The following WDR43 variants were observed in gnomAD, a reference collection of about 807,000 sequenced individuals.
WDR43 encodes the protein WD repeat-containing protein 43.
WDR43 carries 13 observed loss-of-function variants against 91.4 expected under a neutral mutation model. The ratio of observed to expected loss-of-function variants is 0.14; its 90% CI spans 0.09 to 0.23. The LOEUF is 0.23. Ranked by LOEUF, WDR43 falls within the 10% of genes least tolerant of loss-of-function variation. The probability of loss-of-function intolerance (pLI) is 1.00; values close to 1 mark genes in which losing one functional copy is unlikely to be tolerated. For missense variants in WDR43, 780 were observed against 809.4 expected (o/e 0.96, Z 0.44); for synonymous variants, 331 against 287.9 (o/e 1.15, Z -1.51).
At chr2:28,921,257 A>G (rs1351215620) in intron 6 of WDR43, among the ~76,000 whole-genome samples, 2 of 151,644 alleles carry the variant, frequency 1.3e-5, no homozygotes, top group African/African-American at 4.9e-5. Flanking sequence ...CCTCCTGAGT[A>G]GCTGGGACTA....
chr2:28,903,954 A>G (rs1670625942), intron 2 of WDR43, among the ~76,000 whole-genome samples: 1 of 151,998 alleles, frequency 6.6e-6, no homozygotes, highest in Non-Finnish European at 1.5e-5. Flanking sequence ...ACAGACGTGC[A>G]CCACCATAGC....
intron 6 of WDR43, among the ~76,000 whole-genome samples, chr2:28,920,115 T>C (rs928616878): frequency 2.6e-5 from 4 of 151,648 alleles, no homozygotes; most frequent in African/African-American, 7.3e-5. Flanking sequence ...CAAAGTGCTG[T>C]AATTACAGGT....
Position 28,925,110 on chromosome 2 carries a change from T to G in WDR43, c.1043T>G (p.Leu348Trp). Reference protein sequence around the residue: ...AGFCSDKMSLLLVYGSWFQPT... With the variant: ...AGFCSDKMSLWLVYGSWFQPT... ...TTTTGCTCAGACAAAATGTCATTGT[T>G]GCTTGTATATGGCAGTTGGTTTCAG... Residue 348 changes from leucine (L) to tryptophan (W), a missense_variant, in exon 8 of 18, where the codon TTG (leucine) becomes TGG (tryptophan). Coordinates refer to ENST00000407426, the MANE Select transcript of WDR43 (RefSeq NM_015131.3). The G allele has an allele frequency of 6.2e-7, 1 of 1,613,972 alleles. No homozygotes were observed. The highest frequency in any genetic ancestry group is 1.1e-5 in the South Asian group (1 of 91,076).
chr2:28,894,741 G>C lies in WDR43; in HGVS notation c.43G>C (p.Ala15Pro). Residue 15 changes from alanine to proline, a missense_variant, in exon 1 of 18, where the codon GCT becomes CCT. Around this residue, in one of 4 missense-constraint regions of WDR43, gnomAD observed 175 missense variants for 113.8 expected, o/e 1.54. Transcript: ENST00000407426. ...CGGTAGCTGCGACCCCCTGGCCCCT[G>C]CTGGGGTCCCTTGCGCCTTCTCCCC... ...GGGSCDPLAP[A>P]GVPCAFSPHS... is the part of the protein sequence containing the mutation. 1 of 1,590,536 alleles carries C rather than the reference G, an allele frequency of 6.3e-7. No individual in the cohort carries two copies. The highest frequency in any genetic ancestry group is 1.3e-5 in the African/African-American group (1 of 74,592).
intron 3 of WDR43, among the ~76,000 whole-genome samples, chr2:28,910,264 T>A (rs1670765324): frequency 6.6e-6 from 1 of 152,234 alleles, no homozygotes; most frequent in South Asian, 2.1e-4. Context: ...TGAAGGAAGC[T>A]TATCAGCCTC....
intron 2 of WDR43, among the ~76,000 whole-genome samples, chr2:28,904,062 C>A (rs937816079): frequency 6.6e-6 from 1 of 152,102 alleles, no homozygotes; most frequent in African/African-American, 2.4e-5. Flanking sequence ...GCTTGGCCTC[C>A]TAAAGTGCTG....
intron 15 of WDR43, among the ~76,000 whole-genome samples, chr2:28,942,010 A>G (rs781699561): frequency 2.0e-5 from 3 of 152,178 alleles, no homozygotes; most frequent in Non-Finnish European, 2.9e-5. Flanking sequence ...TTTTACTCAA[A>G]TCTTTTTCTC....
intron 15 of WDR43, among the ~76,000 whole-genome samples, chr2:28,941,821 C>T (rs1381650893): frequency 6.6e-6 from 1 of 152,062 alleles, no homozygotes; most frequent in African/African-American, 2.4e-5. Flanking sequence ...TTTTGAACTC[C>T]TAGGCTCAAG....
chr2:28,898,544 C>T (rs1670523832), intron 1 of WDR43, among the ~76,000 whole-genome samples: 1 of 152,028 alleles, frequency 6.6e-6, no homozygotes, highest in Admixed American at 6.6e-5. Flanking sequence ...CATGCAGTGG[C>T]AGTGAGATAG....
chr2:28,925,215 A>G (rs766905544), intron 8 of WDR43, 62 bp downstream of exon 8: 341 of 1,388,772 alleles, frequency 2.5e-4, no homozygotes, highest in Non-Finnish European at 3.0e-4. Context: ...GAAGAGAGTG[A>G]TTTTAAAAAT....
intron 4 of WDR43, among the ~76,000 whole-genome samples, chr2:28,913,317 A>G (rs1670844513): frequency 6.6e-6 from 1 of 151,970 alleles, no homozygotes; most frequent in African/African-American, 2.4e-5. Flanking sequence ...CACAAAAAAG[A>G]AAGTTACCTT....
chr2:28,946,319 C>A, intron 16 of WDR43, 131 bp from the exon 17 acceptor site: 1 of 922,272 alleles, frequency 1.1e-6, no homozygotes, highest in Non-Finnish European at 1.5e-6. Flanking sequence ...AATGTTATTT[C>A]TTAGTTGGAT....
chr2:28,905,833 T>G (rs1292019283), intron 2 of WDR43, among the ~76,000 whole-genome samples: 1 of 152,020 alleles, frequency 6.6e-6, no homozygotes, highest in South Asian at 2.1e-4. Flanking sequence ...CCCGGCTAAT[T>G]TTGTATTTTT....
chr2:28,897,035 G>A (rs1264341839), intron 1 of WDR43, among the ~76,000 whole-genome samples: 2 of 152,112 alleles, frequency 1.3e-5, no homozygotes, highest in African/African-American at 2.4e-5. Flanking sequence ...AACCAATAAA[G>A]GAGTGTGGCC....
At chr2:28,897,623 A>G (rs975065035) in intron 1 of WDR43, among the ~76,000 whole-genome samples, 1 of 152,214 alleles carries the variant, frequency 6.6e-6, no homozygotes, top group African/African-American at 2.4e-5. Flanking sequence ...AATATGGTAA[A>G]TCAATTTGTA....
chr2:28,900,609 G>T (rs1459255614), intron 1 of WDR43, among the ~76,000 whole-genome samples: 1 of 152,030 alleles, frequency 6.6e-6, no homozygotes, highest in Non-Finnish European at 1.5e-5. Flanking sequence ...AATTATTTTT[G>T]CCCCTGGAAT....
intron 3 of WDR43, among the ~76,000 whole-genome samples, 187 bp from the exon 4 acceptor site, chr2:28,912,403 A>G (rs1353013397): frequency 2.0e-5 from 3 of 152,364 alleles, no homozygotes; most frequent in South Asian, 2.1e-4. Flanking sequence ...AATGCAATCA[A>G]TGAAGCTTTT....
At chr2:28,933,264 T>C (rs1671281917) in intron 11 of WDR43, among the ~76,000 whole-genome samples, 1 of 152,152 alleles carries the variant, frequency 6.6e-6, no homozygotes, top group Admixed American at 6.6e-5. Flanking sequence ...GTCAAGATAG[T>C]TTGATATTGG....
chr2:28,947,745 A>G lies in WDR43; in HGVS notation c.*966A>G, dbSNP rs956916454. ...ATGTTTTTCTTCCTTTTCATTACCT[A>G]CTCTTGGCAGTGTTAGGGTATCTGT... On this transcript the variant is annotated 3_prime_UTR_variant, in exon 18 of 18. Transcript: ENST00000407426. 16 of 150,302 alleles carry G rather than the reference A, an allele frequency of 1.1e-4. No homozygotes were observed. Among genetic ancestry groups the G allele is most frequent in the African/African-American group, 7.3e-5 (3 of 40,868 alleles). 9.3% of individuals were successfully genotyped at this position (150,302 alleles called of 1,614,324 possible).
Sources: gnomAD v4.1 joint callset for allele counts (sites outside exome capture counted in the v4.1 genomes callset) on GRCh38, gnomAD v4.1.1 for gene constraint, gnomAD v4.1.1 regional missense constraint, MANE v1.5 for transcripts, NCBI Gene and HGNC (gene_info 2026-07-23, HGNC 2026-07-21) for gene names.